CFAP47: variants seen among roughly 807,000 people sequenced by gnomAD.
CFAP47 encodes the protein cilia and flagella associated protein 47, also known as cilia- and flagella-associated protein 47.
CFAP47 carries 29 observed loss-of-function variants against 148.1 expected under a neutral mutation model. That is an observed-to-expected ratio of 0.20 (90% CI 0.15 to 0.27). The LOEUF (loss-of-function observed/expected upper bound fraction) is 0.27. Ranked by LOEUF, CFAP47 falls within the 10% of genes least tolerant of loss-of-function variation. The pLI is 1.00. For synonymous variants in CFAP47, 664 were observed against 577.3 expected, an observed-to-expected ratio of 1.15 and a Z score of -2.15; for missense variants, 1,872 against 1,697.5, an observed-to-expected ratio of 1.10 and a Z score of -1.81.
chrX:36,309,613 A>T (rs1556009520), intron 55 of CFAP47, among the ~76,000 whole-genome samples: 1 of 111,141 alleles, frequency 9.0e-6, no homozygotes, highest in Non-Finnish European at 1.9e-5. Context: ...ATGTGGTTTA[A>T]CATAGAAACT....
At chrX:36,063,961 G>T (rs895949190) in intron 26 of CFAP47, among the ~76,000 whole-genome samples, 2 of 112,290 alleles carry the variant, frequency 1.8e-5, no homozygotes, top group Non-Finnish European at 3.8e-5. Context: ...ACAGGTGTTG[G>T]CTATGGGCCT....
At chrX:36,290,345 G>C (rs1487020589) in intron 51 of CFAP47, among the ~76,000 whole-genome samples, 1 of 112,156 alleles carries the variant, frequency 8.9e-6, no homozygotes, top group Non-Finnish European at 1.9e-5. Context: ...CAACAATGCT[G>C]TTCTGGTTAG....
At chrX:36,197,028 A>G (rs1329839137) in intron 42 of CFAP47, among the ~76,000 whole-genome samples, 1 of 111,973 alleles carries the variant, frequency 8.9e-6, no homozygotes, top group Non-Finnish European at 1.9e-5. Flanking sequence ...AGTAGAGATT[A>G]TGGCTCTTCT....
chrX:36,099,250 A>G (rs1381452592), intron 31 of CFAP47, among the ~76,000 whole-genome samples: 1 of 111,378 alleles, frequency 9.0e-6, no homozygotes, highest in East Asian at 2.8e-4. Flanking sequence ...AGGGGAAAAT[A>G]GAAATGTAGC....
intron 22 of CFAP47, among the ~76,000 whole-genome samples, chrX:36,016,459 C>G (rs1051441187): frequency 1.8e-5 from 2 of 110,773 alleles, no homozygotes; most frequent in African/African-American, 6.6e-5. Context: ...CCTCCAGTTC[C>G]ATTCATATTG....
At chrX:35,975,493 A>G (rs1601911516) in intron 14 of CFAP47, 130 bp downstream of exon 14, 4 of 618,296 alleles carry the variant, frequency 6.5e-6, no homozygotes, top group South Asian at 3.0e-5. Context: ...TATGTGCATC[A>G]ATTTTTAGAT....
At chrX:36,327,212 T>G (rs1240002959) in intron 57 of CFAP47, among the ~76,000 whole-genome samples, 1 of 111,768 alleles carries the variant, frequency 8.9e-6, no homozygotes, top group Non-Finnish European at 1.9e-5. Flanking sequence ...GTCACAAACT[T>G]TACATCTGAC....
chrX:36,258,791 C>T (rs915858574), intron 49 of CFAP47, among the ~76,000 whole-genome samples: 1 of 112,072 alleles, frequency 8.9e-6, no homozygotes, highest in Admixed American at 9.5e-5. Flanking sequence ...TCTTTATCCA[C>T]GGAAATGCAA....
At chrX:35,920,077 G>T in intron 1 of CFAP47, 29 bp downstream of exon 1, 1 of 1,145,412 alleles carries the variant, frequency 8.7e-7, no homozygotes, top group Non-Finnish European at 1.2e-6. Flanking sequence ...CTGGGAGCGG[G>T]ACCTTGTGAG....
At chrX:36,303,070 A>G (rs1218760735) in intron 53 of CFAP47, among the ~76,000 whole-genome samples, 1 of 112,149 alleles carries the variant, frequency 8.9e-6, no homozygotes, top group Non-Finnish European at 1.9e-5. Flanking sequence ...ACAAAAATGT[A>G]TTGTCTCACA....
At chrX:36,187,097 G>T (rs1286963930) in intron 40 of CFAP47, among the ~76,000 whole-genome samples, 1 of 111,390 alleles carries the variant, frequency 9.0e-6, no homozygotes, top group Non-Finnish European at 1.9e-5. Context: ...ACATTCATCA[G>T]GTAAAATAGA....
At chrX:36,174,857 G>A (rs1393624247) in intron 39 of CFAP47, among the ~76,000 whole-genome samples, 2 of 107,459 alleles carry the variant, frequency 1.9e-5, no homozygotes, top group African/African-American at 3.4e-5. Context: ...TGCCTTGCTA[G>A]ATTGGGGAAG....
intron 46 of CFAP47, among the ~76,000 whole-genome samples, chrX:36,235,002 G>A (rs1432572439): frequency 1.1e-4 from 12 of 111,176 alleles, no homozygotes; most frequent in South Asian, 3.9e-4. Flanking sequence ...GTACCCGGCC[G>A]TGTGAGGTGT....
chrX:36,303,621 A>T (rs1941320082), intron 53 of CFAP47, among the ~76,000 whole-genome samples: 1 of 111,018 alleles, frequency 9.0e-6, no homozygotes, highest in African/African-American at 3.3e-5. Context: ...GACACCAGTC[A>T]TACTGGATTA....
chrX:36,375,404 T>C (rs1942013621), intron 62 of CFAP47, among the ~76,000 whole-genome samples: 1 of 112,246 alleles, frequency 8.9e-6, no homozygotes, highest in Admixed American at 9.5e-5. Flanking sequence ...TGATATAATT[T>C]CAATGTTCTA....
chrX:35,928,151 T>A (rs1168028196), intron 2 of CFAP47, among the ~76,000 whole-genome samples: 4 of 110,174 alleles, frequency 3.6e-5, no homozygotes, highest in African/African-American at 1.3e-4. Context: ...TTTTTATTTT[T>A]TCTGGGATAA....
intron 19 of CFAP47, 45 bp downstream of exon 19, chrX:35,997,434 A>G (rs1936861448): frequency 3.4e-6 from 1 of 291,344 alleles, no homozygotes; most frequent in Non-Finnish European, 6.0e-6. Context: ...GAGTGTGGTG[A>G]TTTTTATTTG....
chrX:36,187,889 A>G (rs954356153), intron 40 of CFAP47, among the ~76,000 whole-genome samples: 5 of 111,931 alleles, frequency 4.5e-5, no homozygotes, highest in Non-Finnish European at 9.4e-5. Flanking sequence ...TTACAGCATC[A>G]AATTCAGGGA....
Position 36,052,310 on chromosome X carries a change from ATAAC to A in CFAP47, c.4217+5252_4217+5255del, listed in dbSNP as rs1244946701. Among the ~76,000 whole-genome samples, 4 of 112,333 alleles carry A rather than the reference ATAAC, an allele frequency of 3.6e-5. No homozygotes were observed. In the Admixed American group the frequency reaches 3.8e-4, roughly 11 times the overall value. On this transcript the variant is annotated intron_variant, in intron 26 of 63. Transcript: ENST00000378653. ...TAGAATGATTGACCTTTTCTTAAAA[ATAAC>A]TAACCACATTCTTGCTTAATTTTGC...
Sources: gnomAD v4.1 joint callset for allele counts (sites outside exome capture counted in the v4.1 genomes callset) on GRCh38, gnomAD v4.1.1 for gene constraint, MANE v1.5 for transcripts, NCBI Gene and HGNC (gene_info 2026-07-23, HGNC 2026-07-21) for gene names.